The following GAREM1 variants were observed in gnomAD, a reference collection of about 807,000 sequenced individuals.
GAREM1 encodes GRB2 associated regulator of MAPK1 subtype 1.
In GAREM1, 26 loss-of-function variants were observed where a neutral mutation model predicts 71.3. The observed-to-expected ratio is 0.36, with a 90% CI of 0.27 to 0.51. The LOEUF (loss-of-function observed/expected upper bound fraction) is 0.51, where lower values mean the gene tolerates loss of function less well. GAREM1 is among the 20% of genes least tolerant of loss of function. The probability of loss-of-function intolerance (pLI) is 0.95; values close to 1 mark genes in which losing one functional copy is unlikely to be tolerated. For missense variants in GAREM1, 1,026 were observed against 1,103.1 expected (o/e 0.93, Z 0.99); for synonymous variants, 440 against 433.2 (o/e 1.02, Z -0.20).
intron 1 of GAREM1, among the ~76,000 whole-genome samples, chr18:32,463,941 C>CA (rs1215231350): frequency 2.6e-5 from 3 of 116,096 alleles, no homozygotes; most frequent in Non-Finnish European, 3.5e-5. Flanking sequence ...ACTATAGGTA[C>CA]AAAAAAATGA....
intron 1 of GAREM1, among the ~76,000 whole-genome samples, chr18:32,460,405 C>G (rs895372375): frequency 2.0e-5 from 3 of 152,166 alleles, no homozygotes; most frequent in Non-Finnish European, 2.9e-5. Flanking sequence ...TCAAAGCCCA[C>G]GTGGTATTCA....
intron 1 of GAREM1, among the ~76,000 whole-genome samples, chr18:32,458,101 A>C (rs1035126807): frequency 1.3e-5 from 2 of 152,132 alleles, no homozygotes; most frequent in Admixed American, 6.6e-5. Context: ...TGTGTCGTCT[A>C]TCTCTTATCT....
At chr18:32,299,369 C>A (rs994111735) in intron 3 of GAREM1, among the ~76,000 whole-genome samples, 1 of 151,716 alleles carries the variant, frequency 6.6e-6, no homozygotes, top group Non-Finnish European at 1.5e-5. Context: ...AAAAAATTAG[C>A]CGGGTGTGGC....
intron 2 of GAREM1, among the ~76,000 whole-genome samples, chr18:32,355,666 T>C (rs1427951336): frequency 6.6e-6 from 1 of 152,212 alleles, no homozygotes; most frequent in Admixed American, 6.5e-5. Context: ...CTTGGACTTT[T>C]TTCTAGTACC....
chr18:32,436,421 G>A (rs1275707843), intron 1 of GAREM1, among the ~76,000 whole-genome samples: 3 of 152,116 alleles, frequency 2.0e-5, no homozygotes, highest in Non-Finnish European at 4.4e-5. Context: ...AACTACAAGA[G>A]GACATATATT....
In GAREM1 at chr18:32,364,015, TATATATATATA is replaced by T. The variant is rs1387204129; in HGVS notation, c.262+28869_262+28879del. On this transcript the variant is annotated intron_variant, in intron 2 of 5. Transcript: ENST00000269209. ...ATATACATATATATATATATATATA[TATATATATATA>T]TGTTTTTTTTTTTTTTTTTTTTTTG... 7.1e-4 allele frequency among the ~76,000 whole-genome samples: 46 copies of T among 64,458 alleles called. 2 individuals carry two copies. Among genetic ancestry groups the T allele is most frequent in the African/African-American group, 3.3e-3 (41 of 12,562 alleles). The allele number at this position is 64,458 out of a possible 152,430, so 42.3% of individuals were successfully genotyped here. A position where few individuals can be genotyped will look rare whatever the true frequency, so the allele number is the denominator to read the frequency against.
In GAREM1 at chr18:32,288,102, T is replaced by C. The variant is rs2047046011; in HGVS notation, c.495A>G (p.Ala165=). The change falls in exon 4 of 6, where the codon GCA becomes GCG. Residue 165 remains alanine (A), a synonymous_variant. Transcript: ENST00000269209. ...GTCGTGACTTTTCCTTGAATGTCTT[T>C]GCATAAAGGATTTCTGCCTGCCCCA... ...TLMGQAEILY[A]KTFKEKSRLN... is the part of the protein sequence containing the mutation. 1.8e-5 allele frequency: 29 copies of C among 1,614,058 alleles called. No homozygotes were observed. The highest frequency in any genetic ancestry group is 2.5e-5 in the Non-Finnish European group (29 of 1,180,022).
chr18:32,269,318 A>G lies in GAREM1; in HGVS notation c.1734-550T>C, dbSNP rs138467485. Among the ~76,000 whole-genome samples the G allele has an allele frequency of 2.6e-5, 4 of 152,374 alleles. No homozygotes were observed. The East Asian group carries it at 7.7e-4, about 29-fold the overall frequency. On this transcript the variant is annotated intron_variant, in intron 5 of 5. Transcript: ENST00000269209. ...TCGAGTAACATTAGCGCAAAGATTTAAATGTCCAGAGAACAAAAAGTACCT... is the reference window on the plus strand; with the variant it reads ...TCGAGTAACATTAGCGCAAAGATTTGAATGTCCAGAGAACAAAAAGTACCT...
chr18:32,421,105 ATATT>A (rs1298000652), intron 1 of GAREM1, among the ~76,000 whole-genome samples: 1 of 152,234 alleles, frequency 6.6e-6, no homozygotes, highest in Non-Finnish European at 1.5e-5. Flanking sequence ...CTGTTGTATA[ATATT>A]TAAAGTTATA....
chr18:32,344,648 C>G (rs935154840), intron 2 of GAREM1, among the ~76,000 whole-genome samples: 2 of 151,992 alleles, frequency 1.3e-5, no homozygotes, highest in African/African-American at 4.8e-5. Flanking sequence ...CTAAAGATTT[C>G]TGGTACAAAA....
intron 1 of GAREM1, among the ~76,000 whole-genome samples, chr18:32,407,435 A>G (rs1006489369): frequency 2.2e-4 from 34 of 152,214 alleles, no homozygotes; most frequent in African/African-American, 7.7e-4. Context: ...CTCTGTCTCA[A>G]AAACAAACAA....
chr18:32,353,233 A>G (rs2047769946), intron 2 of GAREM1, among the ~76,000 whole-genome samples: 1 of 152,132 alleles, frequency 6.6e-6, no homozygotes. Context: ...TCAGAAACAT[A>G]TTTTTCAACA....
intron 1 of GAREM1, among the ~76,000 whole-genome samples, chr18:32,418,752 C>T (rs986685180): frequency 1.2e-4 from 19 of 152,068 alleles, no homozygotes; most frequent in African/African-American, 4.1e-4. Flanking sequence ...TTTCATTTAA[C>T]GCAACAGTGG....
rs1251014668 is a variant in GAREM1 at position 32,267,424 on chromosome 18, T to C, written c.*447A>G. 6.5e-6 allele frequency: 1 copy of C among 152,742 alleles called. No homozygotes were observed. Among genetic ancestry groups the C allele is most frequent in the African/African-American group, 2.4e-5 (1 of 41,270 alleles). 9.5% of individuals were successfully genotyped at this position (152,742 alleles called of 1,614,324 possible). ...GAGTAAAACAATTAGCAAGAAGCAA[T>C]CTGAATGACAGAGCACAGAACACAG... is the stretch of plus-strand genomic sequence containing the variant. On this transcript the variant is annotated 3_prime_UTR_variant, in exon 6 of 6. Coordinates refer to ENST00000269209, the MANE Select transcript of GAREM1 (RefSeq NM_001242409.2).
intron 1 of GAREM1, among the ~76,000 whole-genome samples, chr18:32,459,291 A>C (rs1177056421): frequency 6.6e-6 from 1 of 152,154 alleles, no homozygotes. Flanking sequence ...ATATGAAAGC[A>C]AAACAAAATA....
At chr18:32,363,822 C>T (rs546473823) in intron 2 of GAREM1, among the ~76,000 whole-genome samples, 1 of 150,794 alleles carries the variant, frequency 6.6e-6, no homozygotes, top group South Asian at 2.1e-4. Context: ...TTTGAAATGT[C>T]ACAGGAGAAA....
At chr18:32,278,318 G>T (rs2041569259) in intron 4 of GAREM1, among the ~76,000 whole-genome samples, 1 of 152,168 alleles carries the variant, frequency 6.6e-6, no homozygotes, top group Admixed American at 6.5e-5. Flanking sequence ...TCACATGCCT[G>T]GCAGGGGCGT....
intron 1 of GAREM1, among the ~76,000 whole-genome samples, chr18:32,423,809 T>C (rs548820525): frequency 6.6e-6 from 1 of 152,326 alleles, no homozygotes; most frequent in African/African-American, 2.4e-5. Flanking sequence ...TTATTTCATA[T>C]GTTAGACCTG....
chr18:32,436,800 G>T (rs973592673), intron 1 of GAREM1, among the ~76,000 whole-genome samples: 4 of 152,148 alleles, frequency 2.6e-5, no homozygotes, highest in Non-Finnish European at 5.9e-5. Flanking sequence ...GTATGTAACT[G>T]GGAGGTACTG....
Sources: gnomAD v4.1 joint callset for allele counts (sites outside exome capture counted in the v4.1 genomes callset) on GRCh38, gnomAD v4.1.1 for gene constraint, MANE v1.5 for transcripts, NCBI Gene and HGNC (gene_info 2026-07-23, HGNC 2026-07-21) for gene names.